CRPPA: variants seen among roughly 807,000 people sequenced by gnomAD.
CRPPA encodes D-ribitol-5-phosphate cytidylyltransferase.
CRPPA carries 43 observed loss-of-function variants against 52.0 expected under a neutral mutation model. The observed-to-expected ratio is 0.83, with a 90% CI of 0.65 to 1.07. CRPPA has a LOEUF of 1.07. Ranked by LOEUF, CRPPA falls within the 50% of genes least tolerant of loss-of-function variation. The probability of loss-of-function intolerance (pLI) is 0.00; values close to 1 mark genes in which losing one functional copy is unlikely to be tolerated. For missense variants in CRPPA, 629 were observed against 551.7 expected, an observed-to-expected ratio of 1.14 and a Z score of -1.40; for synonymous variants, 250 against 203.5, an observed-to-expected ratio of 1.23 and a Z score of -1.94.
At chr7:16,189,866 C>T (rs1356972209) in intron 9 of CRPPA, among the ~76,000 whole-genome samples, 2 of 152,108 alleles carry the variant, frequency 1.3e-5, no homozygotes, top group African/African-American at 4.8e-5. Context: ...TTTGAGAAAT[C>T]CTCTACAAAT....
At chr7:16,114,808 G>A (rs539665786) in intron 9 of CRPPA, among the ~76,000 whole-genome samples, 22 of 152,198 alleles carry the variant, frequency 1.4e-4, no homozygotes, top group Middle Eastern at 3.4e-3. Flanking sequence ...GCCAGATTCT[G>A]CTACAGTGAC....
intron 3 of CRPPA, among the ~76,000 whole-genome samples, chr7:16,371,402 T>C (rs1310224746): frequency 6.6e-6 from 1 of 152,020 alleles, no homozygotes; most frequent in Non-Finnish European, 1.5e-5. Context: ...ACAATCAGCA[T>C]CTGGGAAAGC....
At chr7:16,155,091 G>A (rs1356108089) in intron 9 of CRPPA, among the ~76,000 whole-genome samples, 1 of 150,876 alleles carries the variant, frequency 6.6e-6, no homozygotes, top group Non-Finnish European at 1.5e-5. Context: ...ATGCTGGGAT[G>A]AGCCAGGGGT....
At chr7:16,142,999 G>T (rs949623791) in intron 9 of CRPPA, among the ~76,000 whole-genome samples, 7 of 152,126 alleles carry the variant, frequency 4.6e-5, no homozygotes, top group African/African-American at 1.4e-4. Flanking sequence ...GTTTTATACT[G>T]TATTCAAAGC....
At chr7:16,327,375 G>A (rs2128428876) in intron 3 of CRPPA, among the ~76,000 whole-genome samples, 1 of 152,096 alleles carries the variant, frequency 6.6e-6, no homozygotes, top group African/African-American at 2.4e-5. Context: ...GGTGGATCAT[G>A]AGGTCAGGAG....
At chr7:16,226,464 C>G (rs898135753) in intron 8 of CRPPA, among the ~76,000 whole-genome samples, 34 of 151,774 alleles carry the variant, frequency 2.2e-4, no homozygotes, top group African/African-American at 8.2e-4. Flanking sequence ...GAAGGTACAT[C>G]ATGTGATAGA....
At chr7:16,121,823 C>A (rs1294792787) in intron 9 of CRPPA, among the ~76,000 whole-genome samples, 2 of 151,974 alleles carry the variant, frequency 1.3e-5, no homozygotes, top group African/African-American at 4.8e-5. Context: ...AAAATTTAAA[C>A]CAAAACATAC....
In CRPPA at chr7:16,259,126, T is replaced by G. The variant is rs190443306; in HGVS notation, c.934-114A>C. ...GCCCATAAAGCCAAGGACCATATAT[T>G]TTTTAAAAAAATGAAACATGCTGAA... On this transcript the variant is annotated intron_variant, in intron 6 of 9. Transcript: ENST00000407010. 1.7e-3 allele frequency: 913 copies of G among 523,526 alleles called. 10 individuals carry two copies. The highest frequency in any genetic ancestry group is 0.012 in the South Asian group (406 of 34,520). The allele number at this position is 523,526 out of a possible 1,614,324, so 32.4% of individuals were successfully genotyped here. A position where few individuals can be genotyped will look rare whatever the true frequency, so the allele number is the denominator to read the frequency against.
intron 5 of CRPPA, among the ~76,000 whole-genome samples, chr7:16,298,898 C>A (rs546113957): frequency 1.3e-5 from 2 of 152,172 alleles, no homozygotes; most frequent in African/African-American, 2.4e-5. Flanking sequence ...CTTGGGACTC[C>A]GACTGGGATT....
rs547138578 is a variant in CRPPA at position 16,227,977 on chromosome 7, A to T, written c.1120-11780T>A. Among the ~76,000 whole-genome samples, 55 of 152,048 alleles carry T rather than the reference A, an allele frequency of 3.6e-4. 1 individual carries two copies. The South Asian group carries it at 5.2e-3, about 14-fold the overall frequency. ...CTGTGTGTGGATATTCAGTTATCCC[A>T]ACAACATTTATTGAAGAGATTGTGC... On this transcript the variant is annotated intron_variant, in intron 8 of 9. Coordinates refer to ENST00000407010, the MANE Select transcript of CRPPA (RefSeq NM_001101426.4).
At chr7:16,174,222 A>G (rs1781248666) in intron 9 of CRPPA, among the ~76,000 whole-genome samples, 1 of 152,166 alleles carries the variant, frequency 6.6e-6, no homozygotes, top group African/African-American at 2.4e-5. Flanking sequence ...ATCCTGATGT[A>G]ACTCAGAACT....
At chr7:16,222,161 T>C (rs913017196) in intron 8 of CRPPA, among the ~76,000 whole-genome samples, 42 of 151,662 alleles carry the variant, frequency 2.8e-4, no homozygotes, top group Admixed American at 1.3e-3. Flanking sequence ...ATAGATGAAA[T>C]TGGAAATCAT....
At position 16,273,853 on chromosome 7, in the gene CRPPA, C is replaced by T. The variant is rs190586932; in HGVS notation, c.933+4276G>A. On this transcript the variant is annotated intron_variant, in intron 6 of 9. Transcript: ENST00000407010. ...CTGCATGAAGTTCTATTCCTGCCATCGCGCCCAGAAGGACTTGTCCTGGCC... is the reference window on the plus strand; with the variant it reads ...CTGCATGAAGTTCTATTCCTGCCATTGCGCCCAGAAGGACTTGTCCTGGCC... Among the ~76,000 whole-genome samples the T allele has an allele frequency of 3.3e-3, 500 of 152,236 alleles. 4 individuals carry two copies. Among genetic ancestry groups the T allele is most frequent in the African/African-American group, 0.011 (471 of 41,536 alleles).
chr7:16,095,325 C>G (rs1447694612), intron 9 of CRPPA, among the ~76,000 whole-genome samples: 4 of 152,132 alleles, frequency 2.6e-5, no homozygotes, highest in Non-Finnish European at 5.9e-5. Context: ...ACAGCCTTGA[C>G]AACTTAAGTG....
At chr7:16,378,485 C>A (rs1246410195) in intron 2 of CRPPA, among the ~76,000 whole-genome samples, 4 of 151,754 alleles carry the variant, frequency 2.6e-5, no homozygotes, top group Admixed American at 2.0e-4. Flanking sequence ...GTATATGTGC[C>A]ACATTTTCTT....
At chr7:16,398,541 C>T (rs540904067) in intron 2 of CRPPA, among the ~76,000 whole-genome samples, 3 of 152,254 alleles carry the variant, frequency 2.0e-5, no homozygotes, top group Non-Finnish European at 2.9e-5. Context: ...AAATGATCGA[C>T]ATAAGTGACA....
intron 2 of CRPPA, among the ~76,000 whole-genome samples, chr7:16,399,312 C>T (rs1443023045): frequency 2.0e-5 from 3 of 151,572 alleles, no homozygotes; most frequent in Middle Eastern, 3.2e-3. Flanking sequence ...ACGTGTGACA[C>T]GTGACCAACA....
intron 9 of CRPPA, among the ~76,000 whole-genome samples, chr7:16,184,111 T>C (rs534689407): frequency 6.6e-6 from 1 of 151,896 alleles, no homozygotes; most frequent in African/African-American, 2.4e-5. Flanking sequence ...CCCGCTAATT[T>C]TTTGTATTTC....
At chr7:16,399,549 CATGA>C (rs1445452063) in intron 2 of CRPPA, among the ~76,000 whole-genome samples, 2 of 151,668 alleles carry the variant, frequency 1.3e-5, no homozygotes, top group African/African-American at 2.4e-5. Flanking sequence ...ACGAGATTGA[CATGA>C]ATGACATGAC....
Sources: gnomAD v4.1 joint callset for allele counts (sites outside exome capture counted in the v4.1 genomes callset) on GRCh38, gnomAD v4.1.1 for gene constraint, MANE v1.5 for transcripts, NCBI Gene and HGNC (gene_info 2026-07-23, HGNC 2026-07-21) for gene names.